Variants in XKR4 observed in about 807,000 individuals in gnomAD.
XKR4 encodes XK-related protein 4.
XKR4 carries 12 observed loss-of-function variants against 53.9 expected under a neutral mutation model. The observed-to-expected ratio is 0.22, with a 90% CI of 0.14 to 0.36. The LOEUF (loss-of-function observed/expected upper bound fraction) is 0.36. Among genes scored for constraint, XKR4 ranks in the 10% least tolerant of loss-of-function variants. The pLI is 1.00. For missense variants in XKR4, 799 were observed against 859.5 expected (o/e 0.93, Z 0.88); for synonymous variants, 354 against 362.4 (o/e 0.98, Z 0.26).
At chr8:55,464,744 C>G (rs1805729263) in intron 2 of XKR4, among the ~76,000 whole-genome samples, 1 of 152,144 alleles carries the variant, frequency 6.6e-6, no homozygotes, top group Non-Finnish European at 1.5e-5. Flanking sequence ...ACCCCATTTT[C>G]TCAGCCCAAA....
intron 1 of XKR4, among the ~76,000 whole-genome samples, chr8:55,301,685 A>G (rs1468324532): frequency 6.6e-6 from 1 of 152,102 alleles, no homozygotes. Flanking sequence ...AATGATCACC[A>G]TTCTAACTGG....
intron 1 of XKR4, among the ~76,000 whole-genome samples, chr8:55,208,211 C>T (rs189182784): frequency 6.6e-6 from 1 of 152,178 alleles, no homozygotes; most frequent in African/African-American, 2.4e-5. Context: ...AGCAAATTTC[C>T]AGTATGTAAT....
chr8:55,289,834 G>GA (rs1166106467), intron 1 of XKR4, among the ~76,000 whole-genome samples: 260 of 108,684 alleles, frequency 2.4e-3, no homozygotes, highest in African/African-American at 8.3e-3. Context: ...AAGGAAGGAA[G>GA]GAAGAGAAAG....
intron 1 of XKR4, among the ~76,000 whole-genome samples, chr8:55,296,264 C>T (rs1819099569): frequency 6.6e-6 from 1 of 152,168 alleles, no homozygotes; most frequent in South Asian, 2.1e-4. Flanking sequence ...GTATCACTTC[C>T]ATTTTCATTC....
At chr8:55,475,548 C>T (rs912889767) in intron 2 of XKR4, among the ~76,000 whole-genome samples, 7 of 151,892 alleles carry the variant, frequency 4.6e-5, no homozygotes, top group African/African-American at 1.7e-4. Flanking sequence ...TACTGAATAG[C>T]TGGGACTATA....
At chr8:55,188,856 G>A (rs1817410443) in intron 1 of XKR4, among the ~76,000 whole-genome samples, 1 of 152,148 alleles carries the variant, frequency 6.6e-6, no homozygotes, top group Non-Finnish European at 1.5e-5. Flanking sequence ...GGGAGGATAA[G>A]CAAGATAATG....
chr8:55,248,074 C>G (rs1472748325), intron 1 of XKR4, among the ~76,000 whole-genome samples: 59 of 151,674 alleles, frequency 3.9e-4, no homozygotes, highest in Non-Finnish European at 7.4e-5. Context: ...CCAGGATGGT[C>G]TCGATCTCCT....
At chr8:55,231,424 C>T (rs1023722301) in intron 1 of XKR4, among the ~76,000 whole-genome samples, 2 of 152,030 alleles carry the variant, frequency 1.3e-5, no homozygotes, top group African/African-American at 4.8e-5. Context: ...ATGAAGGCAC[C>T]AGTGATTTAA....
intron 2 of XKR4, among the ~76,000 whole-genome samples, 185 bp downstream of exon 2, chr8:55,358,062 A>G (rs1403693189): frequency 6.6e-6 from 1 of 152,182 alleles, no homozygotes; most frequent in Non-Finnish European, 1.5e-5. Flanking sequence ...TGATTAATTG[A>G]AAGACAGCGC....
At chr8:55,496,768 G>T (rs946055150) in intron 2 of XKR4, among the ~76,000 whole-genome samples, 1 of 152,196 alleles carries the variant, frequency 6.6e-6, no homozygotes, top group Non-Finnish European at 1.5e-5. Flanking sequence ...AATTCTGGTT[G>T]AGGTGAGCAA....
chr8:55,314,997 C>T (rs1415148482), intron 1 of XKR4, among the ~76,000 whole-genome samples: 2 of 152,106 alleles, frequency 1.3e-5, no homozygotes, highest in East Asian at 1.9e-4. Context: ...GTGCATTTGC[C>T]GTTCCTAAAC....
rs112653477 is a variant in XKR4 at position 55,131,142 on chromosome 8, A to G, written c.806+27848A>G. Reference sequence around the variant, plus strand: ...CCATTGCACTCCAGCCTGGGCAACAAGAGCGAAATGGCTGTCTCAAAAACA... The same window carrying G: ...CCATTGCACTCCAGCCTGGGCAACAGGAGCGAAATGGCTGTCTCAAAAACA... On this transcript the variant is annotated intron_variant, in intron 1 of 2. Coordinates refer to ENST00000327381, the MANE Select transcript of XKR4 (RefSeq NM_052898.2). Among the ~76,000 whole-genome samples the G allele has an allele frequency of 7.0e-3, 856 of 122,072 alleles. 8 individuals carry two copies. Among genetic ancestry groups the G allele is most frequent in the African/African-American group, 0.018 (644 of 34,898 alleles). 80.1% of individuals were successfully genotyped at this position (122,072 alleles called of 152,430 possible).
At chr8:55,444,041 C>T (rs1805311052) in intron 2 of XKR4, among the ~76,000 whole-genome samples, 1 of 151,846 alleles carries the variant, frequency 6.6e-6, no homozygotes, top group Non-Finnish European at 1.5e-5. Flanking sequence ...CATAATGGCA[C>T]ACACCTGTAG....
At chr8:55,329,164 A>G (rs540985788) in intron 1 of XKR4, among the ~76,000 whole-genome samples, 2 of 152,266 alleles carry the variant, frequency 1.3e-5, no homozygotes, top group African/African-American at 4.8e-5. Context: ...CCCCTGCCCC[A>G]GGATAGTAGA....
At chr8:55,345,446 T>C (rs555937111) in intron 1 of XKR4, among the ~76,000 whole-genome samples, 2 of 152,352 alleles carry the variant, frequency 1.3e-5, no homozygotes, top group African/African-American at 4.8e-5. Flanking sequence ...TATGATCTTC[T>C]TTGAGGGCCA....
In XKR4 at chr8:55,103,399, A is replaced by T. The variant is rs1177949826; in HGVS notation, c.806+105A>T. 6 of 1,481,650 alleles carry T rather than the reference A, an allele frequency of 4.0e-6. No individual in the cohort carries two copies. The East Asian group carries it at 1.2e-4, about 29-fold the overall frequency. The allele number at this position is 1,481,650 out of a possible 1,614,324, so 91.8% of individuals were successfully genotyped here. A position where few individuals can be genotyped will look rare whatever the true frequency, so the allele number is the denominator to read the frequency against. ...TCAGGGTTGCTTTGGTAGTAACCCT[A>T]GTCACACTCTTCCAGTTTTTTGGGT... On this transcript the variant is annotated intron_variant, in intron 1 of 2. Coordinates refer to ENST00000327381, the MANE Select transcript of XKR4 (RefSeq NM_052898.2).
intron 2 of XKR4, among the ~76,000 whole-genome samples, chr8:55,393,046 A>G (rs900340244): frequency 5.9e-5 from 9 of 152,156 alleles, no homozygotes; most frequent in Admixed American, 5.9e-4. Context: ...GAATAATAGA[A>G]TTAGAAGCAT....
At chr8:55,424,726 G>A (rs1293843670) in intron 2 of XKR4, among the ~76,000 whole-genome samples, 2 of 152,182 alleles carry the variant, frequency 1.3e-5, no homozygotes, top group Non-Finnish European at 2.9e-5. Flanking sequence ...CAAATTCCTT[G>A]AACCTGGCAC....
intron 1 of XKR4, among the ~76,000 whole-genome samples, chr8:55,144,197 C>T (rs558362732): frequency 3.9e-5 from 6 of 152,124 alleles, no homozygotes; most frequent in East Asian, 1.9e-4. Context: ...AGTTTCACAC[C>T]CAAATCCCTA....
Sources: gnomAD v4.1 joint callset for allele counts (sites outside exome capture counted in the v4.1 genomes callset) on GRCh38, gnomAD v4.1.1 for gene constraint, MANE v1.5 for transcripts, NCBI Gene and HGNC (gene_info 2026-07-23, HGNC 2026-07-21) for gene names.